SARDH: variants seen among roughly 807,000 people sequenced by gnomAD.
SARDH encodes sarcosine dehydrogenase, also known as sarcosine dehydrogenase, mitochondrial.
A neutral mutation model predicts 109.1 loss-of-function variants in SARDH; 95 were observed. That is an observed-to-expected ratio of 0.87 (90% confidence interval 0.74 to 1.03). The LOEUF (loss-of-function observed/expected upper bound fraction) is 1.03, where lower values mean the gene tolerates loss of function less well. SARDH is among the 50% of genes least tolerant of loss of function. The probability of loss-of-function intolerance (pLI) is 0.00; values close to 1 mark genes in which losing one functional copy is unlikely to be tolerated. For missense variants in SARDH, 1,267 were observed against 1,287.8 expected, an observed-to-expected ratio of 0.98 and a Z score of 0.25; for synonymous variants, 572 against 534.8, an observed-to-expected ratio of 1.07 and a Z score of -0.96.
downstream of SARDH, chr9:133,659,488 C>T (rs1832383171): frequency 1.3e-5 from 2 of 152,310 alleles, no homozygotes; most frequent in Admixed American, 1.3e-4. Context: ...CCTTCCTGCC[C>T]TCTGAGCTGC....
In SARDH at chr9:133,663,575, T is replaced by C. The variant is rs1203929938; in HGVS notation, c.*314A>G. 5.7e-6 allele frequency: 2 copies of C among 351,696 alleles called. No individual in the cohort carries two copies. The highest frequency in any genetic ancestry group is 4.6e-5 in the East Asian group (1 of 21,584). The allele number at this position is 351,696 out of a possible 1,614,324, so 21.8% of individuals were successfully genotyped here. On this transcript the variant is annotated 3_prime_UTR_variant, in exon 21 of 21. Transcript: ENST00000439388. The stretch of plus-strand genomic sequence containing the variant: ...TGCTTCGCTGTTTTCACGTGGGGCT[T>C]ATCAAGTATTTACTAAGCACCTTCT...
intron 13 of SARDH, among the ~76,000 whole-genome samples, chr9:133,702,176 C>CT (rs1370325584): frequency 1.3e-5 from 2 of 152,256 alleles, no homozygotes; most frequent in African/African-American, 2.4e-5. Flanking sequence ...CCTGTGAGCA[C>CT]TTTACAACAC....
chr9:133,722,105 C>T (rs558431265), intron 6 of SARDH, among the ~76,000 whole-genome samples: 1 of 146,210 alleles, frequency 6.8e-6, no homozygotes, highest in Admixed American at 7.1e-5. Flanking sequence ...AACAGAGTCT[C>T]ACTCTGTCTC....
rs1446272598 is a variant in SARDH, at chr9:133,706,716, C to T, written c.1470+1571G>A. Among the ~76,000 whole-genome samples, 9 of 152,300 alleles carry T rather than the reference C, an allele frequency of 5.9e-5. No individual in the cohort carries two copies. In the East Asian group the frequency reaches 1.7e-3, roughly 29 times the overall value. On this transcript the variant is annotated intron_variant, in intron 11 of 20. Coordinates refer to ENST00000439388, the MANE Select transcript of SARDH (RefSeq NM_001134707.2). ...TTTGGGAAAAAAAAGAAAACCCACTCTCGGGTTTGGAAGGGCCCTACCCAG... is the reference window on the plus strand; with the variant it reads ...TTTGGGAAAAAAAAGAAAACCCACTTTCGGGTTTGGAAGGGCCCTACCCAG...
At chr9:133,710,181 CA>C (rs1329828226) in intron 10 of SARDH, among the ~76,000 whole-genome samples, 4 of 152,220 alleles carry the variant, frequency 2.6e-5, no homozygotes, top group African/African-American at 9.6e-5. Flanking sequence ...GGTACTGGGC[CA>C]AGCGTCCACA....
chr9:133,702,337 A>C (rs963964462), intron 13 of SARDH, among the ~76,000 whole-genome samples: 13 of 152,172 alleles, frequency 8.5e-5, no homozygotes, highest in Admixed American at 3.9e-4. Context: ...GTCCCCAGGC[A>C]GGGGCGACGG....
At chr9:133,682,586 C>T (rs1830733528) in intron 17 of SARDH, among the ~76,000 whole-genome samples, 1 of 152,234 alleles carries the variant, frequency 6.6e-6, no homozygotes, top group Non-Finnish European at 1.5e-5. Context: ...GGGCAAGGGT[C>T]GTGCCCAAAG....
chr9:133,670,186 G>C (rs1192142754), intron 19 of SARDH, among the ~76,000 whole-genome samples: 4 of 152,122 alleles, frequency 2.6e-5, no homozygotes. Context: ...AAAATTAGCT[G>C]GGTGTGGTAG....
At chr9:133,695,423 A>AC (rs1831249641) in intron 14 of SARDH, among the ~76,000 whole-genome samples, 2 of 152,220 alleles carry the variant, frequency 1.3e-5, no homozygotes, top group Non-Finnish European at 2.9e-5. Flanking sequence ...AGCCTGAGCG[A>AC]CAGAGCGAGA....
intron 6 of SARDH, among the ~76,000 whole-genome samples, chr9:133,727,388 T>C (rs1832529709): frequency 6.6e-6 from 1 of 152,228 alleles, no homozygotes; most frequent in Non-Finnish European, 1.5e-5. Flanking sequence ...GACAGCGTCC[T>C]GCTGCACGAG....
chr9:133,712,943 G>A lies in SARDH; in HGVS notation c.1237+95C>T, dbSNP rs896670776. On this transcript the variant is annotated intron_variant, in intron 9 of 20. Transcript: ENST00000439388. This position sits in a 1 kb window ranked among gnomAD's most constrained non-coding sequence, Gnocchi z 4.1. ...AGCCTCTCCTGTCCCCACCACTGTCGGGGGCCACGGTGCTCCTGCGCCCGC... is the reference window on the plus strand; with the variant it reads ...AGCCTCTCCTGTCCCCACCACTGTCAGGGGCCACGGTGCTCCTGCGCCCGC... The A allele has an allele frequency of 9.5e-5, 120 of 1,268,490 alleles. No individual in the cohort carries two copies. Among genetic ancestry groups the A allele is most frequent in the Non-Finnish European group, 1.1e-4 (102 of 899,762 alleles). The allele number at this position is 1,268,490 out of a possible 1,614,324, so 78.6% of individuals were successfully genotyped here. A position where few individuals can be genotyped will look rare whatever the true frequency, so the allele number is the denominator to read the frequency against.
Position 133,713,134 on chromosome 9 carries a change from GGA to G in SARDH, c.1151-12_1151-11del, listed in dbSNP as rs780047821. 3.0e-5 allele frequency: 49 copies of G among 1,611,004 alleles called. No individual in the cohort carries two copies. Among genetic ancestry groups the G allele is most frequent in the Non-Finnish European group, 4.1e-5 (48 of 1,178,508 alleles). On this transcript the variant is annotated splice_polypyrimidine_tract_variant and intron_variant, in intron 8 of 20. Transcript: ENST00000439388. ...TCGGGCGTGAAGGATTCTGAAAGAA[GGA>G]GAGAGAGGCCTGGAGTCCCTTTTGC... is the stretch of plus-strand genomic sequence containing the variant.
intron 6 of SARDH, among the ~76,000 whole-genome samples, chr9:133,719,470 C>T (rs1005756350): frequency 2.0e-5 from 3 of 152,088 alleles, no homozygotes; most frequent in African/African-American, 7.2e-5. Flanking sequence ...GGAGACTGAG[C>T]AAGGCAAGCC....
At chr9:133,679,729 G>A (rs1297559956) in intron 17 of SARDH, among the ~76,000 whole-genome samples, 2 of 152,346 alleles carry the variant, frequency 1.3e-5, no homozygotes, top group East Asian at 3.9e-4. Context: ...AGGGATCGTG[G>A]CAGCCTGGGT....
intron 8 of SARDH, among the ~76,000 whole-genome samples, chr9:133,713,998 G>C (rs1001600542): frequency 6.6e-6 from 1 of 152,188 alleles, no homozygotes. Context: ...AGACGGTCTC[G>C]TAAAGAAAAT....
intron 6 of SARDH, among the ~76,000 whole-genome samples, chr9:133,722,674 TC>T: frequency 6.7e-6 from 1 of 150,220 alleles, no homozygotes; most frequent in East Asian, 2.0e-4. Flanking sequence ...TCTCTCTCTC[TC>T]TCTTTCTCTC....
In SARDH at chr9:133,692,325, A is replaced by T. The variant is rs1314841330; in HGVS notation, c.1922-1798T>A. On this transcript the variant is annotated intron_variant, in intron 15 of 20. Coordinates refer to ENST00000439388, the MANE Select transcript of SARDH (RefSeq NM_001134707.2). This position sits in a 1 kb window ranked among gnomAD's most constrained non-coding sequence, Gnocchi z 5.0. ...ACTGTCTCCCTAGCTAGACTCACTA[A>T]GTCTGCGGCTATGGGCTGTGCCTGG... is the stretch of plus-strand genomic sequence containing the variant. Among the ~76,000 whole-genome samples, 4 of 152,006 alleles carry T rather than the reference A, an allele frequency of 2.6e-5. No homozygotes were observed. The East Asian group carries it at 5.8e-4, about 22-fold the overall frequency.
chr9:133,694,324 T>C lies in SARDH; in HGVS notation c.1855A>G (p.Ser619Gly). ...CMLNHRGGTE[S>G]DLTVSRLAPS... is the part of the protein sequence containing the mutation. ...GCCAGGCGGCTGACAGTCAGGTCACTCTCGGTGCCCCCACGGTGGTTGAGC... is the reference window on the plus strand; with the variant it reads ...GCCAGGCGGCTGACAGTCAGGTCACCCTCGGTGCCCCCACGGTGGTTGAGC... Residue 619 changes from serine to glycine, a missense_variant, in exon 15 of 21, where the codon AGT becomes GGT. Coordinates refer to ENST00000439388, the MANE Select transcript of SARDH (RefSeq NM_001134707.2). The C allele has an allele frequency of 6.4e-7, 1 of 1,550,516 alleles. No homozygotes were observed. Among genetic ancestry groups the C allele is most frequent in the Non-Finnish European group, 8.7e-7 (1 of 1,146,892 alleles).
At chr9:133,691,169 A>ACACACACAC (rs1831079042) in intron 15 of SARDH, among the ~76,000 whole-genome samples, 1 of 112,132 alleles carries the variant, frequency 8.9e-6, no homozygotes, top group African/African-American at 3.6e-5. Flanking sequence ...CACCTCCCCC[A>ACACACACAC]ACACACACAC....
Sources: gnomAD v4.1 joint callset for allele counts (sites outside exome capture counted in the v4.1 genomes callset) on GRCh38, gnomAD v4.1.1 for gene constraint, Gnocchi (gnomAD v3.1) non-coding constraint, MANE v1.5 for transcripts, NCBI Gene and HGNC (gene_info 2026-07-23, HGNC 2026-07-21) for gene names.